Variants in COMMD1 observed in about 807,000 individuals in gnomAD.
COMMD1 encodes the protein COMM domain-containing protein 1.
In COMMD1, 10 loss-of-function variants were observed where a neutral mutation model predicts 17.2. The ratio of observed to expected loss-of-function variants is 0.58; its 90% CI spans 0.36 to 0.99. The LOEUF (loss-of-function observed/expected upper bound fraction) is 0.99. Among genes scored for constraint, COMMD1 ranks in the 50% least tolerant of loss-of-function variants. The pLI, the probability that COMMD1 is intolerant of heterozygous loss-of-function variation, is 0.01. For synonymous variants in COMMD1, 97 were observed against 91.6 expected (o/e 1.06, Z -0.34); for missense variants, 270 against 231.8 (o/e 1.17, Z -1.07).
chr2:62,135,120 A>G (rs1673156380), intron 2 of COMMD1, among the ~76,000 whole-genome samples: 1 of 152,160 alleles, frequency 6.6e-6, no homozygotes, highest in Non-Finnish European at 1.5e-5. Context: ...CAGAGCTGAG[A>G]GTTCCCACAG....
intron 2 of COMMD1, among the ~76,000 whole-genome samples, chr2:62,063,868 A>AAT (rs55740628): frequency 0.062 from 5,014 of 81,068 alleles, 473 homozygotes; most frequent in African/African-American, 0.15. Flanking sequence ...GTCTCTACAA[A>AAT]ATATATATAT....
intron 2 of COMMD1, among the ~76,000 whole-genome samples, chr2:62,134,876 C>T (rs1673146963): frequency 6.6e-6 from 1 of 152,156 alleles, no homozygotes; most frequent in Admixed American, 6.5e-5. Context: ...GGAGGGTTGG[C>T]TTGCAGCAAG....
intron 2 of COMMD1, among the ~76,000 whole-genome samples, chr2:62,094,693 C>T (rs1671950516): frequency 6.6e-6 from 1 of 152,100 alleles, no homozygotes; most frequent in Non-Finnish European, 1.5e-5. Flanking sequence ...AACAGTCAAT[C>T]AACTGAGTAT....
intron 2 of COMMD1, among the ~76,000 whole-genome samples, chr2:62,080,326 A>G (rs755004464): frequency 2.0e-5 from 3 of 152,236 alleles, no homozygotes; most frequent in South Asian, 2.1e-4. Context: ...AATACTGGCA[A>G]TGTGCCTGCC....
At chr2:61,996,196 A>C (rs574974320) in intron 1 of COMMD1, among the ~76,000 whole-genome samples, 7 of 152,068 alleles carry the variant, frequency 4.6e-5, no homozygotes, top group African/African-American at 1.7e-4. Context: ...CCCATCTCCC[A>C]AAAAAAACCT....
chr2:62,067,503 C>T (rs1391085150), intron 2 of COMMD1, among the ~76,000 whole-genome samples: 1 of 152,108 alleles, frequency 6.6e-6, no homozygotes, highest in African/African-American at 2.4e-5. Context: ...TGCTTCATAA[C>T]AAGACAGAGT....
intron 2 of COMMD1, among the ~76,000 whole-genome samples, chr2:62,103,106 G>A (rs1192291885): frequency 1.3e-5 from 2 of 151,928 alleles, no homozygotes; most frequent in African/African-American, 4.8e-5. Context: ...AGCCTCCAGA[G>A]AAGCTGGGAC....
chr2:62,052,991 C>A (rs1670583045), intron 2 of COMMD1, among the ~76,000 whole-genome samples: 1 of 152,114 alleles, frequency 6.6e-6, no homozygotes, highest in Non-Finnish European at 1.5e-5. Context: ...ATCACTTCAG[C>A]CTTCACTGAG....
chr2:61,979,596 G>T (rs372732550), intron 1 of COMMD1, among the ~76,000 whole-genome samples: 1 of 152,050 alleles, frequency 6.6e-6, no homozygotes, highest in Non-Finnish European at 1.5e-5. Context: ...GTGAGCCACC[G>T]CGCCCGGCCT....
At chr2:62,023,151 G>A (rs1669656246) in intron 2 of COMMD1, among the ~76,000 whole-genome samples, 1 of 151,944 alleles carries the variant, frequency 6.6e-6, no homozygotes, top group Non-Finnish European at 1.5e-5. Flanking sequence ...GCTTGAACCT[G>A]GAAGGTGGAG....
intron 1 of COMMD1, among the ~76,000 whole-genome samples, chr2:61,934,556 CA>C (rs977221197): frequency 1.3e-5 from 2 of 150,738 alleles, no homozygotes; most frequent in African/African-American, 2.4e-5. Flanking sequence ...GACCCTGCCT[CA>C]AAAAAAAATT....
At chr2:62,014,267 A>G (rs1203565342) in intron 2 of COMMD1, among the ~76,000 whole-genome samples, 1 of 152,172 alleles carries the variant, frequency 6.6e-6, no homozygotes, top group African/African-American at 2.4e-5. Context: ...AGAGGAAGCC[A>G]GGAAGCCAAG....
chr2:61,985,498 C>T (rs1672083674), intron 1 of COMMD1, among the ~76,000 whole-genome samples: 1 of 152,128 alleles, frequency 6.6e-6, no homozygotes, highest in Non-Finnish European at 1.5e-5. Flanking sequence ...TAAGGACTTA[C>T]TCCTGCCACT....
intron 2 of COMMD1, among the ~76,000 whole-genome samples, chr2:62,126,914 A>C (rs933035287): frequency 1.3e-5 from 2 of 152,210 alleles, no homozygotes; most frequent in Non-Finnish European, 2.9e-5. Context: ...AAGGTATTCA[A>C]ATAGGAAGAG....
intron 1 of COMMD1, among the ~76,000 whole-genome samples, chr2:61,940,534 C>A (rs1670716476): frequency 6.6e-6 from 1 of 152,164 alleles, no homozygotes; most frequent in Non-Finnish European, 1.5e-5. Context: ...GGGACTCAGG[C>A]CTTTTCGTCA....
intron 2 of COMMD1, among the ~76,000 whole-genome samples, chr2:62,096,127 T>C (rs1275403427): frequency 2.6e-5 from 4 of 152,092 alleles, no homozygotes; most frequent in African/African-American, 9.7e-5. Context: ...TGTAATGTCA[T>C]TCCTACATTT....
intron 2 of COMMD1, among the ~76,000 whole-genome samples, chr2:62,007,581 T>C (rs1669155536): frequency 6.6e-6 from 1 of 152,206 alleles, no homozygotes; most frequent in South Asian, 2.1e-4. Flanking sequence ...TATTTAGATA[T>C]GTTTAGTTAC....
At chr2:62,078,540 G>C (rs1195297283) in intron 2 of COMMD1, among the ~76,000 whole-genome samples, 1 of 133,114 alleles carries the variant, frequency 7.5e-6, no homozygotes, top group Admixed American at 8.1e-5. Flanking sequence ...GCTACAGAGC[G>C]AGACTCCGTC....
chr2:61,960,769 C>T (rs1030751737), intron 1 of COMMD1, among the ~76,000 whole-genome samples: 2 of 152,186 alleles, frequency 1.3e-5, no homozygotes, highest in African/African-American at 2.4e-5. Flanking sequence ...ACCTTCCTCC[C>T]GTGCCTTTCC....
Sources: allele counts gnomAD v4.1 joint callset (sites outside exome capture counted in the v4.1 genomes callset), GRCh38; gene constraint gnomAD v4.1.1; transcripts MANE v1.5; gene names NCBI Gene and HGNC (gene_info 2026-07-23, HGNC 2026-07-21).